The following USP54 variants were observed in gnomAD, a reference collection of about 807,000 sequenced individuals.
USP54 encodes the protein ubiquitin carboxyl-terminal hydrolase 54.
A neutral mutation model predicts 170.5 loss-of-function variants in USP54; 87 were observed. The observed-to-expected ratio is 0.51, with a 90% confidence interval of 0.43 to 0.61. The LOEUF (loss-of-function observed/expected upper bound fraction) is 0.61. Among genes scored for constraint, USP54 ranks in the 20% least tolerant of loss-of-function variants. The pLI, the probability that USP54 is intolerant of heterozygous loss-of-function variation, is 0.00. For synonymous variants in USP54, 655 were observed against 742.8 expected, an observed-to-expected ratio of 0.88 and a Z score of 1.92; for missense variants, 1,786 against 2,047.8, an observed-to-expected ratio of 0.87 and a Z score of 2.47.
In USP54 at chr10:73,516,045, G is replaced by C. The variant is rs1166790901; in HGVS notation, c.4051+330C>G. ...GATCTGCCCGCCTCGACCTCCCAAA[G>C]TGCTGGGATTACAGGAGTGAGCCAC... On this transcript the variant is annotated intron_variant, in intron 20 of 23. Transcript: ENST00000687698. The C allele has an allele frequency of 1.5e-5, 3 of 194,726 alleles. No homozygotes were observed. In the Admixed American group the frequency reaches 1.6e-4, roughly 11 times the overall value. 12.1% of individuals were successfully genotyped at this position (194,726 alleles called of 1,614,324 possible).
chr10:73,555,304 T>C (rs1210479789), intron 4 of USP54, among the ~76,000 whole-genome samples: 1 of 152,192 alleles, frequency 6.6e-6, no homozygotes, highest in African/African-American at 2.4e-5. Flanking sequence ...AGCACATACC[T>C]ATCCTTTACC....
rs77366185 is a variant in USP54, at chr10:73,608,276, A to G, written c.-18+17291T>C. ...TTCCATCTCAAAAACAAAAAAAACA[A>G]AAAAAAACAGTTATTCAGACTTTCT... On this transcript the variant is annotated intron_variant, in intron 1 of 22. Coordinates refer to the USP54 transcript ENST00000339859. Among the ~76,000 whole-genome samples the G allele has an allele frequency of 4.2e-3, 636 of 152,112 alleles. 32 individuals carry two copies. The East Asian group carries it at 0.11, about 26-fold the overall frequency.
At chr10:73,624,095 T>C (rs182019422) in intron 1 of USP54, among the ~76,000 whole-genome samples, 1 of 142,360 alleles carries the variant, frequency 7.0e-6, no homozygotes, top group Admixed American at 7.3e-5. Context: ...CTCTAACATA[T>C]ATCAAATAAA....
chr10:73,542,915 G>A (rs1272869211), intron 6 of USP54, 30 bp from the exon 7 acceptor site: 2 of 1,613,536 alleles, frequency 1.2e-6, no homozygotes, highest in Admixed American at 3.3e-5. Flanking sequence ...GCAAAACCAA[G>A]CAACCATAAT....
Position 73,500,754 on chromosome 10 carries a change from C to T in USP54, c.4396G>A (p.Val1466Met). 1 of 1,602,942 alleles carries T rather than the reference C, an allele frequency of 6.2e-7. No homozygotes were observed. Among genetic ancestry groups the T allele is most frequent in the Non-Finnish European group, 8.5e-7 (1 of 1,175,770 alleles). The stretch of plus-strand genomic sequence containing the variant: ...TAGAGTTGGGGACCGAGGAGAAACA[C>T]AGAAGGGTCATGGATGACAGGGAGG... ...SSLPVIHDPS[V>M]FLLGPQLYLP... The change falls in exon 23 of 24, where the codon GTG (valine) becomes ATG (methionine). Residue 1466 changes from valine (V) to methionine (M), a missense_variant. Physicochemically the swap from Val to Met is conservative, Grantham distance 21. This residue lies in a region of USP54 where 1,418 missense variants were observed against 1,569.0 expected (regional missense o/e 0.90). Coordinates refer to ENST00000687698, the MANE Select transcript of USP54 (RefSeq NM_001391956.1).
At chr10:73,510,025 G>A (rs1195023089) in intron 20 of USP54, among the ~76,000 whole-genome samples, 1 of 152,018 alleles carries the variant, frequency 6.6e-6, no homozygotes, top group East Asian at 1.9e-4. Flanking sequence ...GGAAAGGAAA[G>A]TGGGGGAGGT....
chr10:73,610,554 G>T (rs971299285), intron 1 of USP54, among the ~76,000 whole-genome samples: 1 of 152,088 alleles, frequency 6.6e-6, no homozygotes, highest in Non-Finnish European at 1.5e-5. Context: ...AACCCAGGAG[G>T]CAGAGGTTGC....
chr10:73,600,729 C>T (rs1365244058), intron 1 of USP54, among the ~76,000 whole-genome samples: 1 of 152,144 alleles, frequency 6.6e-6, no homozygotes, highest in Non-Finnish European at 1.5e-5. Context: ...GCCTGGCCAA[C>T]ATGGTGAAAC....
Position 73,500,534 on chromosome 10 carries a change from A to G in USP54, c.4495+121T>C, listed in dbSNP as rs1482064170. On this transcript the variant is annotated intron_variant, in intron 23 of 23. Transcript: ENST00000687698. ...ATGCACGACTTTGAAGCAGTAATTCATATCTTCACACCACTCCACCTTGGG... is the reference window on the plus strand; with the variant it reads ...ATGCACGACTTTGAAGCAGTAATTCGTATCTTCACACCACTCCACCTTGGG... 8.7e-6 allele frequency: 8 copies of G among 914,590 alleles called. No homozygotes were observed. The East Asian group carries it at 1.4e-4, about 16-fold the overall frequency. 56.7% of individuals were successfully genotyped at this position (914,590 alleles called of 1,614,324 possible).
At chr10:73,609,941 C>A (rs1387796014) in intron 1 of USP54, among the ~76,000 whole-genome samples, 1 of 150,042 alleles carries the variant, frequency 6.7e-6, no homozygotes, top group African/African-American at 2.5e-5. Flanking sequence ...ACCTGGGAGG[C>A]GGAGGTTGCA....
intron 4 of USP54, among the ~76,000 whole-genome samples, chr10:73,562,647 G>C (rs904460549): frequency 2.6e-5 from 4 of 152,138 alleles, no homozygotes; most frequent in African/African-American, 9.7e-5. Context: ...TTACTATATA[G>C]TGTTTTACTA....
chr10:73,608,308 T>C (rs890789490), intron 1 of USP54, among the ~76,000 whole-genome samples: 39 of 152,120 alleles, frequency 2.6e-4, no homozygotes, highest in African/African-American at 9.4e-4. Context: ...TTCTCTATTG[T>C]CTCATTTCCC....
intron 16 of USP54, among the ~76,000 whole-genome samples, chr10:73,524,351 G>A (rs1447364616): frequency 2.0e-5 from 3 of 151,766 alleles, no homozygotes; most frequent in Admixed American, 6.6e-5. Flanking sequence ...AGGCCAAGGC[G>A]GGAGGATCAC....
intron 1 of USP54, among the ~76,000 whole-genome samples, chr10:73,580,905 C>T (rs1283424993): frequency 6.6e-6 from 1 of 152,096 alleles, no homozygotes; most frequent in Non-Finnish European, 1.5e-5. Flanking sequence ...CAGTAACATC[C>T]TATACAGGTT....
Position 73,517,415 on chromosome 10 carries a change from C to T in USP54, c.3011G>A (p.Cys1004Tyr). ...APEGKLQGSR[C>Y]DNSSCSKLPP... is the part of the protein sequence containing the mutation. The stretch of plus-strand genomic sequence containing the variant: ...GAGCTTGCTGCAACTGCTGTTGTCA[C>T]ACCTAGAGCCTTGCAGCTTACCCTC... Residue 1004 changes from cysteine to tyrosine, a missense_variant, in exon 20 of 24, where the codon TGT (cysteine) becomes TAT (tyrosine). Physicochemically the swap from Cys to Tyr is radical, Grantham distance 194. Transcript: ENST00000687698. 6.2e-7 allele frequency: 1 copy of T among 1,614,160 alleles called. No homozygotes were observed. The highest frequency in any genetic ancestry group is 8.5e-7 in the Non-Finnish European group (1 of 1,180,010).
Position 73,519,884 on chromosome 10 carries a change from C to T in USP54, c.2591G>A (p.Arg864His), listed in dbSNP as rs143471997. ...CTGTGGTGATTGCTGCTGCTGCATG[C>T]GATCCTGCAGGCTCCGTGCTTTTCG... ...SIRKARSLQD[R>H]MQQQQSPQQP... Residue 864 changes from arginine (R) to histidine (H), a missense_variant, in exon 19 of 24, where the codon CGC (arginine) becomes CAC (histidine). This residue lies in a region of USP54 where 1,418 missense variants were observed against 1,569.0 expected (regional missense o/e 0.90). Coordinates refer to ENST00000687698, the MANE Select transcript of USP54 (RefSeq NM_001391956.1). 180 of 1,614,088 alleles carry T rather than the reference C, an allele frequency of 1.1e-4. No homozygotes were observed. The highest frequency in any genetic ancestry group is 1.7e-4 in the Middle Eastern group (1 of 6,058).
upstream of USP54, among the ~76,000 whole-genome samples, chr10:73,591,864 T>C (rs1480159437): frequency 6.6e-6 from 1 of 152,224 alleles, no homozygotes; most frequent in Non-Finnish European, 1.5e-5. Flanking sequence ...ATTCCAAGAC[T>C]GGGCTTAAAT....
intron 1 of USP54, among the ~76,000 whole-genome samples, chr10:73,590,363 C>G (rs1365969258): frequency 6.6e-6 from 1 of 152,110 alleles, no homozygotes; most frequent in Non-Finnish European, 1.5e-5. Flanking sequence ...GCAATGAAAT[C>G]CCAGAAACAA....
chr10:73,504,998 C>G lies in USP54; in HGVS notation c.4171-8G>C. On this transcript the variant is annotated splice_region_variant and splice_polypyrimidine_tract_variant and intron_variant, in intron 21 of 23. Transcript: ENST00000687698. ...GCCTCGGCAAGGTGTAGCCTTCAAA[C>G]ACACAGACACATACAGGCAGACACA... is the stretch of plus-strand genomic sequence containing the variant. 6.2e-7 allele frequency: 1 copy of G among 1,614,134 alleles called. No individual in the cohort carries two copies. The highest frequency in any genetic ancestry group is 8.5e-7 in the Non-Finnish European group (1 of 1,180,024).
Sources: allele counts gnomAD v4.1 joint callset (sites outside exome capture counted in the v4.1 genomes callset), GRCh38; gene constraint gnomAD v4.1.1; regional missense constraint gnomAD v4.1.1; transcripts MANE v1.5; gene names NCBI Gene and HGNC (gene_info 2026-07-23, HGNC 2026-07-21).